Variants in CTNNA2 observed in about 807,000 individuals in gnomAD.
The protein encoded by CTNNA2 is catenin alpha-2.
A neutral mutation model predicts 101.0 loss-of-function variants in CTNNA2; 42 were observed. That is an observed-to-expected ratio of 0.42 (90% confidence interval 0.32 to 0.54). The LOEUF (loss-of-function observed/expected upper bound fraction) is 0.54. CTNNA2 is among the 20% of genes least tolerant of loss of function. CTNNA2 has a pLI of 0.14. For missense variants in CTNNA2, 871 were observed against 1,223.1 expected, an observed-to-expected ratio of 0.71 and a Z score of 4.29; for synonymous variants, 450 against 456.4, an observed-to-expected ratio of 0.99 and a Z score of 0.18.
At chr2:79,542,939 T>G (rs1209564212) in intron 1 of CTNNA2, among the ~76,000 whole-genome samples, 1 of 152,194 alleles carries the variant, frequency 6.6e-6, no homozygotes, top group East Asian at 1.9e-4. Flanking sequence ...AGGGGCTTAG[T>G]AAGTTTAATA....
At chr2:80,413,174 G>T (rs1351231206) in intron 8 of CTNNA2, among the ~76,000 whole-genome samples, 2 of 152,102 alleles carry the variant, frequency 1.3e-5, no homozygotes, top group African/African-American at 2.4e-5. Flanking sequence ...TGTTGATCTG[G>T]CTCCATTATA....
chr2:79,347,656 C>T (rs1179168868), intron 3 of CTNNA2, among the ~76,000 whole-genome samples: 1 of 152,120 alleles, frequency 6.6e-6, no homozygotes, highest in Non-Finnish European at 1.5e-5. Context: ...CATGTACATA[C>T]TGACTGGCCT....
At chr2:80,269,425 T>C (rs1673282224) in intron 7 of CTNNA2, among the ~76,000 whole-genome samples, 2 of 152,314 alleles carry the variant, frequency 1.3e-5, no homozygotes, top group African/African-American at 4.8e-5. Context: ...TTCAGAACTG[T>C]GAGTCAATTA....
In CTNNA2 at chr2:80,567,209, A is replaced by C. The variant is rs995887621; in HGVS notation, c.1742-6954A>C. On this transcript the variant is annotated intron_variant, in intron 12 of 18. Transcript: ENST00000402739. Reference sequence around the variant, plus strand: ...TAGGGGTGAATTGGGGGAATACTTAAAGACCTTCTATTAATTTATGATCAT... The same window carrying C: ...TAGGGGTGAATTGGGGGAATACTTACAGACCTTCTATTAATTTATGATCAT... Among the ~76,000 whole-genome samples the C allele has an allele frequency of 3.3e-5, 5 of 151,776 alleles. No homozygotes were observed. In the East Asian group the frequency reaches 9.7e-4, roughly 29 times the overall value.
intron 2 of CTNNA2, among the ~76,000 whole-genome samples, chr2:79,679,174 C>G (rs1683390386): frequency 6.6e-6 from 1 of 152,176 alleles, no homozygotes; most frequent in Non-Finnish European, 1.5e-5. Context: ...TTAGTTTTAA[C>G]AGTGGGTTTT....
At chr2:79,467,776 T>C (rs566533731) in intron 4 of CTNNA2, among the ~76,000 whole-genome samples, 5 of 152,304 alleles carry the variant, frequency 3.3e-5, no homozygotes, top group Non-Finnish European at 5.9e-5. Context: ...CCAGGCAAAC[T>C]AAGCTTCATA....
chr2:80,138,039 A>C (rs758313127), intron 7 of CTNNA2, among the ~76,000 whole-genome samples: 14 of 152,180 alleles, frequency 9.2e-5, no homozygotes, highest in Non-Finnish European at 1.6e-4. Flanking sequence ...AGGTGTGGAA[A>C]ATAAAGAAAA....
intron 3 of CTNNA2, among the ~76,000 whole-genome samples, chr2:79,360,987 C>T (rs186427452): frequency 2.0e-5 from 3 of 152,222 alleles, no homozygotes; most frequent in Admixed American, 2.0e-4. Context: ...ATTGATATAA[C>T]TCAAGAAGGT....
chr2:79,592,326 T>G (rs1676915726), intron 1 of CTNNA2, among the ~76,000 whole-genome samples: 1 of 151,940 alleles, frequency 6.6e-6, no homozygotes, highest in Non-Finnish European at 1.5e-5. Context: ...GAGATGGGGT[T>G]TCACCATGTT....
chr2:80,382,447 C>T lies in CTNNA2; in HGVS notation c.1057-10764C>T, dbSNP rs537278779. Among the ~76,000 whole-genome samples the T allele has an allele frequency of 2.0e-4, 30 of 152,108 alleles. No individual in the cohort carries two copies. In the East Asian group the frequency reaches 2.1e-3, roughly 11 times the overall value. On this transcript the variant is annotated intron_variant, in intron 7 of 18. Coordinates refer to ENST00000402739, the MANE Select transcript of CTNNA2 (RefSeq NM_001282597.3). ...ATATTATTTGTATACCGTCTGACAT[C>T]GGAAATTCAATTAACAATGCAAGAG...
intron 7 of CTNNA2, among the ~76,000 whole-genome samples, chr2:80,139,621 C>G (rs749610279): frequency 9.9e-5 from 15 of 151,960 alleles, no homozygotes; most frequent in Non-Finnish European, 1.9e-4. Context: ...ATATATATTA[C>G]CAAAGGGAAC....
intron 7 of CTNNA2, among the ~76,000 whole-genome samples, chr2:79,933,923 G>A (rs1687618476): frequency 6.6e-6 from 1 of 152,118 alleles, no homozygotes; most frequent in South Asian, 2.1e-4. Flanking sequence ...CATTGCATAT[G>A]GAGCATTTAA....
At chr2:79,793,026 A>G (rs998905400) in intron 3 of CTNNA2, among the ~76,000 whole-genome samples, 3 of 152,188 alleles carry the variant, frequency 2.0e-5, no homozygotes, top group African/African-American at 7.2e-5. Context: ...TATTTTATGC[A>G]TTATATAGAG....
intron 18 of CTNNA2, among the ~76,000 whole-genome samples, chr2:80,630,300 T>C (rs1182961619): frequency 6.6e-6 from 1 of 152,226 alleles, no homozygotes; most frequent in Non-Finnish European, 1.5e-5. Flanking sequence ...ACCGCTTTTT[T>C]AGAAAACCTT....
At chr2:79,415,195 CTG>C (rs1678464422) in intron 4 of CTNNA2, among the ~76,000 whole-genome samples, 1 of 152,118 alleles carries the variant, frequency 6.6e-6, no homozygotes, top group African/African-American at 2.4e-5. Flanking sequence ...TGAGTTCTCT[CTG>C]TGAGTTCACA....
intron 2 of CTNNA2, among the ~76,000 whole-genome samples, chr2:79,291,062 G>A (rs111969925): frequency 9.9e-5 from 15 of 152,244 alleles, no homozygotes; most frequent in African/African-American, 2.9e-4. Flanking sequence ...TCCCCCAAGA[G>A]GTTTGAGCAG....
intron 7 of CTNNA2, among the ~76,000 whole-genome samples, chr2:79,913,002 AT>A (rs1419351442): frequency 6.6e-6 from 1 of 152,162 alleles, no homozygotes; most frequent in Non-Finnish European, 1.5e-5. Context: ...TCTGCTGGCC[AT>A]TTGTGCCAGG....
At chr2:80,378,488 C>A (rs1401374053) in intron 7 of CTNNA2, among the ~76,000 whole-genome samples, 1 of 151,952 alleles carries the variant, frequency 6.6e-6, no homozygotes, top group Non-Finnish European at 1.5e-5. Context: ...CATATGCACA[C>A]ATTCAAATGC....
chr2:79,448,570 T>C (rs867716614), intron 4 of CTNNA2, among the ~76,000 whole-genome samples: 1 of 152,046 alleles, frequency 6.6e-6, no homozygotes, highest in African/African-American at 2.4e-5. Context: ...ACAGCTACCA[T>C]GAGACCAGTG....
Sources: gnomAD v4.1 joint callset for allele counts (sites outside exome capture counted in the v4.1 genomes callset) on GRCh38, gnomAD v4.1.1 for gene constraint, MANE v1.5 for transcripts, NCBI Gene and HGNC (gene_info 2026-07-23, HGNC 2026-07-21) for gene names.